The following GULP1 variants were observed in gnomAD, a reference collection of about 807,000 sequenced individuals.
GULP1 encodes GULP PTB domain containing engulfment adaptor 1, also known as PTB domain-containing engulfment adapter protein 1.
GULP1 carries 19 observed loss-of-function variants against 40.9 expected under a neutral mutation model. That is an observed-to-expected ratio of 0.46 (90% CI 0.32 to 0.68). GULP1 has a LOEUF of 0.68. GULP1 is among the 30% of genes least tolerant of loss of function. The pLI is 0.03. For missense variants in GULP1, 312 were observed against 362.2 expected, an observed-to-expected ratio of 0.86 and a Z score of 1.12; for synonymous variants, 119 against 117.6, an observed-to-expected ratio of 1.01 and a Z score of -0.08.
At chr2:188,561,718 G>A (rs1341869929) in intron 7 of GULP1, among the ~76,000 whole-genome samples, 1 of 152,172 alleles carries the variant, frequency 6.6e-6, no homozygotes, top group African/African-American at 2.4e-5. Context: ...CCACGCTGAG[G>A]CCCCAGCATT....
rs554567465 is a variant in GULP1, at chr2:188,468,567, C to T, written c.-44-9092C>T. 8.5e-5 allele frequency among the ~76,000 whole-genome samples: 13 copies of T among 152,216 alleles called. No homozygotes were observed. The South Asian group carries it at 1.2e-3, about 15-fold the overall frequency. ...ATTTTGAAAAAACTAGATTTATTCA[C>T]GTTTCTAGGACATCTTTTGCAATTC... On this transcript the variant is annotated intron_variant, in intron 2 of 11. Transcript: ENST00000409830.
intron 1 of GULP1, among the ~76,000 whole-genome samples, chr2:188,360,933 G>A (rs538911392): frequency 7.7e-4 from 117 of 152,060 alleles, no homozygotes; most frequent in Non-Finnish European, 1.5e-3. Flanking sequence ...ATTATTCAAC[G>A]TAATCATGAA....
At chr2:188,408,378 C>A (rs2053420394) in intron 2 of GULP1, among the ~76,000 whole-genome samples, 3 of 151,920 alleles carry the variant, frequency 2.0e-5, no homozygotes, top group Non-Finnish European at 2.9e-5. Context: ...ATACTTTTAT[C>A]AGATAAAAGA....
intron 2 of GULP1, among the ~76,000 whole-genome samples, chr2:188,421,949 A>C (rs1357283593): frequency 6.6e-6 from 1 of 152,200 alleles, no homozygotes; most frequent in African/African-American, 2.4e-5. Context: ...TTTTATTCAA[A>C]GAAAAAGTAT....
intron 1 of GULP1, among the ~76,000 whole-genome samples, chr2:188,324,492 T>G (rs2040464332): frequency 6.6e-6 from 1 of 152,122 alleles, no homozygotes. Flanking sequence ...TAGATGCCTG[T>G]ACATTTTAAG....
At chr2:188,519,920 A>G (rs1039506055) in intron 4 of GULP1, among the ~76,000 whole-genome samples, 2 of 152,148 alleles carry the variant, frequency 1.3e-5, no homozygotes, top group Non-Finnish European at 2.9e-5. Context: ...CTGAAACTAC[A>G]GGTTGCATAT....
intron 2 of GULP1, among the ~76,000 whole-genome samples, chr2:188,431,427 G>A (rs531870690): frequency 6.6e-6 from 1 of 152,130 alleles, no homozygotes; most frequent in South Asian, 2.1e-4. Flanking sequence ...AAGCAGCAGG[G>A]TATAGAAACT....
At chr2:188,467,201 A>C (rs1017137487) in intron 2 of GULP1, among the ~76,000 whole-genome samples, 4 of 152,168 alleles carry the variant, frequency 2.6e-5, no homozygotes, top group Non-Finnish European at 4.4e-5. Flanking sequence ...GCTAAATCTC[A>C]GGGGTTGGAA....
intron 1 of GULP1, among the ~76,000 whole-genome samples, chr2:188,358,364 T>C (rs1424233939): frequency 6.6e-6 from 1 of 152,102 alleles, no homozygotes; most frequent in Non-Finnish European, 1.5e-5. Flanking sequence ...TAGGGAGTGG[T>C]TGGTTCATGA....
chr2:188,429,382 C>G (rs1237126794), intron 2 of GULP1, among the ~76,000 whole-genome samples: 1 of 152,060 alleles, frequency 6.6e-6, no homozygotes, highest in African/African-American at 2.4e-5. Flanking sequence ...TGCCTGTAGT[C>G]CCAGCTCCTT....
intron 2 of GULP1, among the ~76,000 whole-genome samples, chr2:188,452,601 A>T (rs1575351350): frequency 6.6e-6 from 1 of 152,190 alleles, no homozygotes. Flanking sequence ...TACACTGTTA[A>T]TATGTGTTTC....
At chr2:188,534,258 T>C (rs1314577308) in intron 6 of GULP1, among the ~76,000 whole-genome samples, 1 of 152,192 alleles carries the variant, frequency 6.6e-6, no homozygotes, top group Non-Finnish European at 1.5e-5. Context: ...AATGGTGGAT[T>C]GGATAAAGAA....
chr2:188,460,568 T>C lies in GULP1; in HGVS notation c.-44-17091T>C, dbSNP rs1427189239. ...TGTTTTGGTGGAGTGTTTAGGTTTTTCCAAATATAATATCCTTTCATCTGC... is the reference window on the plus strand; with the variant it reads ...TGTTTTGGTGGAGTGTTTAGGTTTTCCCAAATATAATATCCTTTCATCTGC... On this transcript the variant is annotated intron_variant, in intron 2 of 11. Coordinates refer to ENST00000409830, the MANE Select transcript of GULP1 (RefSeq NM_016315.4). Among the ~76,000 whole-genome samples the C allele has an allele frequency of 3.3e-5, 5 of 152,316 alleles. No homozygotes were observed. The East Asian group carries it at 9.6e-4, about 29-fold the overall frequency.
intron 1 of GULP1, among the ~76,000 whole-genome samples, chr2:188,321,199 G>A (rs1429691925): frequency 6.6e-6 from 1 of 152,004 alleles, no homozygotes; most frequent in Admixed American, 6.6e-5. Flanking sequence ...ATTTGAATGC[G>A]AAATTCAAGC....
At chr2:188,450,825 C>T (rs1373334351) in intron 2 of GULP1, among the ~76,000 whole-genome samples, 2 of 152,104 alleles carry the variant, frequency 1.3e-5, no homozygotes, top group Non-Finnish European at 2.9e-5. Context: ...TAGGATTACT[C>T]CATGTTTCAG....
chr2:188,339,459 T>C (rs1255843843), intron 1 of GULP1, among the ~76,000 whole-genome samples: 1 of 152,206 alleles, frequency 6.6e-6, no homozygotes, highest in Non-Finnish European at 1.5e-5. Flanking sequence ...AGAACATCTT[T>C]TTGGCTGTCT....
chr2:188,525,078 CTCTT>C (rs1432516034), intron 5 of GULP1, among the ~76,000 whole-genome samples: 23 of 152,012 alleles, frequency 1.5e-4, no homozygotes, highest in South Asian at 2.1e-4. Context: ...CTTTTTTACA[CTCTT>C]TCTATCATTT....
At chr2:188,589,553 A>T in intron 11 of GULP1, 2 of 381,660 alleles carry the variant, frequency 5.2e-6, no homozygotes. Flanking sequence ...AATTGGAAAA[A>T]AAATTATGGA....
chr2:188,360,735 G>A (rs1347087789), intron 1 of GULP1, among the ~76,000 whole-genome samples: 1 of 152,056 alleles, frequency 6.6e-6, no homozygotes, highest in African/African-American at 2.4e-5. Flanking sequence ...TTTTTGGAAA[G>A]ATAGCAAGGC....
Sources: gnomAD v4.1 joint callset for allele counts (sites outside exome capture counted in the v4.1 genomes callset) on GRCh38, gnomAD v4.1.1 for gene constraint, MANE v1.5 for transcripts, NCBI Gene and HGNC (gene_info 2026-07-23, HGNC 2026-07-21) for gene names.